B4GALT1: variants seen among roughly 807,000 people sequenced by gnomAD.
B4GALT1 encodes beta-1,4-galactosyltransferase 1, also known as N-acetyllactosamine synthase.
Under a neutral mutation model 34.9 loss-of-function variants are expected in B4GALT1, and 16 were observed. The ratio of observed to expected loss-of-function variants is 0.46; its 90% CI spans 0.31 to 0.70. The LOEUF is 0.70. Ranked by LOEUF, B4GALT1 falls within the 30% of genes least tolerant of loss-of-function variation. The pLI is 0.05. For synonymous variants in B4GALT1, 221 were observed against 218.1 expected (o/e 1.01, Z -0.12); for missense variants, 445 against 530.5 (o/e 0.84, Z 1.58).
Position 33,113,738 on chromosome 9 carries a change from A to C in B4GALT1, c.1064+36T>G, listed in dbSNP as rs773484551. 5.1e-5 allele frequency: 83 copies of C among 1,611,884 alleles called. 1 individual carries two copies. The highest frequency in any genetic ancestry group is 5.0e-4 in the Middle Eastern group (3 of 6,058). On this transcript the variant is annotated intron_variant, in intron 5 of 5. Transcript: ENST00000379731. The stretch of plus-strand genomic sequence containing the variant: ...TCGGACCTGCAGCCTACCTCATCCT[A>C]AAGGGGGAAGGAGTATGAATAAACA...
chr9:33,181,733 C>T, the B4GALT1 span, among the ~76,000 whole-genome samples: 1 of 152,164 alleles, frequency 6.6e-6, no homozygotes. Context: ...CCCTTCTTCT[C>T]CCAGGACTTC....
At chr9:33,106,497 T>A (rs905615683), downstream of B4GALT1, among the ~76,000 whole-genome samples, 4 of 152,116 alleles carry the variant, frequency 2.6e-5, no homozygotes, top group Non-Finnish European at 5.9e-5. Context: ...GTTTTGGAAG[T>A]TAAGGAAGAG....
Position 33,119,962 on chromosome 9 carries a change from T to C in B4GALT1, c.836+457A>G, listed in dbSNP as rs552099259. 3.3e-5 allele frequency among the ~76,000 whole-genome samples: 5 copies of C among 152,234 alleles called. No individual in the cohort carries two copies. In the South Asian group the frequency reaches 1.0e-3, roughly 32 times the overall value. ...ACTTCGAGAGGCCAAGGCAGATGGATTGCTTGAGCTCAGGAGTTCGAGACC... is the reference window on the plus strand; with the variant it reads ...ACTTCGAGAGGCCAAGGCAGATGGACTGCTTGAGCTCAGGAGTTCGAGACC... On this transcript the variant is annotated intron_variant, in intron 3 of 5. Transcript: ENST00000379731.
intron 1 of B4GALT1, 46 bp from the exon 2 acceptor site, chr9:33,135,470 C>T: frequency 6.4e-7 from 1 of 1,554,250 alleles, no homozygotes. Context: ...ACAGGACTCG[C>T]CACCGCTCCA....
At chr9:33,139,921 G>C (rs565214149) in intron 1 of B4GALT1, among the ~76,000 whole-genome samples, 1 of 152,248 alleles carries the variant, frequency 6.6e-6, no homozygotes, top group African/African-American at 2.4e-5. Flanking sequence ...GCAGGGTTAC[G>C]TAAGCAGATG....
upstream of B4GALT1, among the ~76,000 whole-genome samples, chr9:33,171,068 C>T (rs1052271722): frequency 6.6e-6 from 1 of 152,232 alleles, no homozygotes; most frequent in Non-Finnish European, 1.5e-5. Context: ...TGTTTTTACC[C>T]TCATGGATCA....
At chr9:33,126,219 G>T (rs932066051) in intron 2 of B4GALT1, among the ~76,000 whole-genome samples, 1 of 152,154 alleles carries the variant, frequency 6.6e-6, no homozygotes, top group Non-Finnish European at 1.5e-5. Flanking sequence ...GAACTAGGCC[G>T]AGTGGGTTGC....
chr9:33,118,211 G>A (rs1244862052), intron 3 of B4GALT1, among the ~76,000 whole-genome samples: 3 of 152,160 alleles, frequency 2.0e-5, no homozygotes, highest in Non-Finnish European at 4.4e-5. Context: ...TAAAAGTAAG[G>A]TTACATTCAA....
At chr9:33,136,900 T>G (rs1294921435) in intron 1 of B4GALT1, among the ~76,000 whole-genome samples, 2 of 152,144 alleles carry the variant, frequency 1.3e-5, no homozygotes, top group East Asian at 3.9e-4. Flanking sequence ...AAGCACCCCC[T>G]ACTCCCGGAA....
At chr9:33,146,747 G>A (rs1372497387) in intron 1 of B4GALT1, among the ~76,000 whole-genome samples, 2 of 151,042 alleles carry the variant, frequency 1.3e-5, no homozygotes, top group African/African-American at 4.9e-5. Flanking sequence ...AGGCTGGAGT[G>A]CAGTGGTGCA....
chr9:33,175,186 T>C, the B4GALT1 span, among the ~76,000 whole-genome samples: 1 of 149,180 alleles, frequency 6.7e-6, no homozygotes. Context: ...TGGTGGTGCA[T>C]ACCTGTAGTC....
chr9:33,178,958 G>T, the B4GALT1 span: 1 of 152,250 alleles, frequency 6.6e-6, no homozygotes, highest in African/African-American at 2.4e-5. Flanking sequence ...GGTTGGCTAG[G>T]TTAGTCTATG....
At chr9:33,126,038 C>T (rs887867573) in intron 2 of B4GALT1, among the ~76,000 whole-genome samples, 15 of 152,160 alleles carry the variant, frequency 9.9e-5, no homozygotes, top group Admixed American at 2.0e-4. Flanking sequence ...CACTGTTGCT[C>T]CTATACACAT....
intron 2 of B4GALT1, among the ~76,000 whole-genome samples, chr9:33,125,962 T>C (rs1840086509): frequency 1.3e-5 from 2 of 152,110 alleles, no homozygotes; most frequent in Non-Finnish European, 2.9e-5. Flanking sequence ...AGCAGCAACA[T>C]GGCTGGAACC....
At chr9:33,150,144 G>GATATATACACACACACACACACACACAT (rs1840489458) in intron 1 of B4GALT1, among the ~76,000 whole-genome samples, 3 of 148,816 alleles carry the variant, frequency 2.0e-5, no homozygotes, top group Non-Finnish European at 4.4e-5. Flanking sequence ...TATAGATATA[G>GATATATACACACACACACACACACACAT]ATATATACAC....
At chr9:33,149,797 G>C (rs1840484087) in intron 1 of B4GALT1, among the ~76,000 whole-genome samples, 1 of 152,130 alleles carries the variant, frequency 6.6e-6, no homozygotes. Context: ...GGAAACATCA[G>C]ACAGACCTAA....
At chr9:33,143,975 C>T (rs959352828) in intron 1 of B4GALT1, among the ~76,000 whole-genome samples, 1 of 151,278 alleles carries the variant, frequency 6.6e-6, no homozygotes, top group South Asian at 2.1e-4. Flanking sequence ...TGGGCCCAAG[C>T]GATCCTCCTG....
chr9:33,114,249 C>T (rs528192317), intron 4 of B4GALT1, among the ~76,000 whole-genome samples: 9 of 152,348 alleles, frequency 5.9e-5, no homozygotes, highest in African/African-American at 2.2e-4. Context: ...GTAACCTCTG[C>T]TGGAGCAAGC....
chr9:33,157,063 T>TACACACACACACACACACACACACACAA (rs1840603512), intron 1 of B4GALT1, among the ~76,000 whole-genome samples: 1 of 87,280 alleles, frequency 1.1e-5, no homozygotes, highest in Non-Finnish European at 2.0e-5. Context: ...CATAGGGAAC[T>TACACACACACACACACACACACACACAA]ACACACACAC....
Sources: allele counts gnomAD v4.1 joint callset (sites outside exome capture counted in the v4.1 genomes callset), GRCh38; gene constraint gnomAD v4.1.1; transcripts MANE v1.5; gene names NCBI Gene and HGNC (gene_info 2026-07-23, HGNC 2026-07-21).